Variants in WDPCP observed in about 807,000 individuals in gnomAD.
WDPCP encodes the protein WD repeat containing planar cell polarity effector, also known as WD repeat-containing and planar cell polarity effector protein fritz homolog.
Under a neutral mutation model 93.1 loss-of-function variants are expected in WDPCP, and 71 were observed. That is an observed-to-expected ratio of 0.76 (90% CI 0.63 to 0.93). The LOEUF (loss-of-function observed/expected upper bound fraction) is 0.93. WDPCP is among the 40% of genes least tolerant of loss of function. WDPCP has a pLI of 0.00. For missense variants in WDPCP, 844 were observed against 887.4 expected, an observed-to-expected ratio of 0.95 and a Z score of 0.62; for synonymous variants, 315 against 315.0, an observed-to-expected ratio of 1.00 and a Z score of 0.00.
At chr2:63,742,801 T>C (rs1669743581) in intron 2 of WDPCP, among the ~76,000 whole-genome samples, 1 of 150,908 alleles carries the variant, frequency 6.6e-6, no homozygotes, top group Admixed American at 6.6e-5. Context: ...CCAGGGAAAC[T>C]CTATACCCAG....
At chr2:63,610,756 T>C (rs1709605606) in intron 3 of WDPCP, among the ~76,000 whole-genome samples, 1 of 152,192 alleles carries the variant, frequency 6.6e-6, no homozygotes, top group South Asian at 2.1e-4. Flanking sequence ...AACACACTGT[T>C]CTGCACTCTG....
intron 13 of WDPCP, among the ~76,000 whole-genome samples, chr2:63,297,207 G>A (rs1684934937): frequency 6.6e-6 from 1 of 152,138 alleles, no homozygotes; most frequent in South Asian, 2.1e-4. Context: ...TAAAAAGCAT[G>A]TGGTTTATAT....
intron 2 of WDPCP, among the ~76,000 whole-genome samples, chr2:63,683,723 C>T (rs965718190): frequency 6.6e-6 from 1 of 152,078 alleles, no homozygotes; most frequent in African/African-American, 2.4e-5. Context: ...GTGGCATGCG[C>T]CTGTAGTCCC....
At chr2:63,836,875 A>T in the WDPCP span, among the ~76,000 whole-genome samples, 4 of 152,240 alleles carry the variant, frequency 2.6e-5, no homozygotes, top group Non-Finnish European at 4.4e-5. Flanking sequence ...GAACAAGATA[A>T]TGTATGTTTT....
chr2:63,331,703 A>G lies in WDPCP; in HGVS notation c.1749-18392T>C, dbSNP rs892411180. On this transcript the variant is annotated intron_variant, in intron 12 of 17. Transcript: ENST00000272321. ...GTCCACCCACCTTCAGGCTTTGAAA[A>G]ACAATTTATCCACCTTGTTTCTGTC... Among the ~76,000 whole-genome samples the G allele has an allele frequency of 5.9e-5, 9 of 152,154 alleles. No individual in the cohort carries two copies. In the East Asian group the frequency reaches 9.6e-4, roughly 16 times the overall value.
At chr2:63,406,501 C>T (rs1039054351) in intron 9 of WDPCP, among the ~76,000 whole-genome samples, 3 of 152,096 alleles carry the variant, frequency 2.0e-5, no homozygotes, top group African/African-American at 7.2e-5. Flanking sequence ...AATACATTTC[C>T]CTCCTATCAC....
At chr2:63,707,615 C>G (rs1342234439) in intron 2 of WDPCP, among the ~76,000 whole-genome samples, 1 of 152,226 alleles carries the variant, frequency 6.6e-6, no homozygotes, top group Non-Finnish European at 1.5e-5. Context: ...CTGAAGCCTT[C>G]TTCTCTCAAC....
chr2:63,256,897 C>G (rs1681198022), intron 14 of WDPCP, among the ~76,000 whole-genome samples: 1 of 152,132 alleles, frequency 6.6e-6, no homozygotes, highest in Non-Finnish European at 1.5e-5. Flanking sequence ...TGTTACAAAT[C>G]TGGACAGCTG....
At chr2:63,500,454 G>GGTGTGTGTGTGTGTGTGTGTGT (rs35916043) in intron 1 of WDPCP, among the ~76,000 whole-genome samples, 2 of 149,472 alleles carry the variant, frequency 1.3e-5, no homozygotes, top group East Asian at 2.0e-4. Context: ...ATGGTGTGGG[G>GGTGTGTGTGTGTGTGTGTGTGT]GTGTGTGTGT....
intron 8 of WDPCP, 128 bp downstream of exon 8, chr2:63,437,293 T>A: frequency 1.2e-6 from 1 of 802,462 alleles, no homozygotes. Flanking sequence ...TTAAGCTTAA[T>A]CCTGTAATAT....
At chr2:63,482,942 T>TTA (rs957748868) in intron 6 of WDPCP, among the ~76,000 whole-genome samples, 6 of 151,940 alleles carry the variant, frequency 3.9e-5, no homozygotes, top group African/African-American at 1.4e-4. Context: ...ACAAAAGTAA[T>TTA]TATATATATA....
At chr2:63,681,140 C>T (rs1210261451) in intron 2 of WDPCP, among the ~76,000 whole-genome samples, 2 of 152,210 alleles carry the variant, frequency 1.3e-5, no homozygotes, top group East Asian at 3.9e-4. Context: ...TGAGAGGCTC[C>T]TTCTGCTTGA....
chr2:63,622,687 T>G, intron 3 of WDPCP: 3 of 1,613,916 alleles, frequency 1.9e-6, no homozygotes, highest in Non-Finnish European at 2.5e-6. Flanking sequence ...GACAGCAGTT[T>G]CTGGTCAGGG....
At chr2:63,606,915 G>A (rs780927193) in intron 3 of WDPCP, 2 of 1,612,616 alleles carry the variant, frequency 1.2e-6, no homozygotes, top group East Asian at 2.2e-5. Flanking sequence ...TCTCACGTGA[G>A]AAGATGGATC....
intron 6 of WDPCP, among the ~76,000 whole-genome samples, chr2:63,471,448 G>A (rs1200897824): frequency 6.6e-6 from 1 of 152,186 alleles, no homozygotes; most frequent in African/African-American, 2.4e-5. Context: ...GAATAGGAAA[G>A]CCAAGAATTT....
intron 14 of WDPCP, among the ~76,000 whole-genome samples, chr2:63,213,183 C>A (rs1400989666): frequency 2.0e-5 from 3 of 152,170 alleles, no homozygotes; most frequent in African/African-American, 7.2e-5. Context: ...CTTCTCAGCA[C>A]CACATCGCAC....
intron 2 of WDPCP, among the ~76,000 whole-genome samples, chr2:63,733,045 T>C (rs1407160373): frequency 6.6e-6 from 1 of 152,048 alleles, no homozygotes; most frequent in Non-Finnish European, 1.5e-5. Flanking sequence ...TTATAAGAAA[T>C]AAAACTTTTC....
chr2:63,477,480 T>C (rs1452214902), intron 6 of WDPCP, among the ~76,000 whole-genome samples: 1 of 151,928 alleles, frequency 6.6e-6, no homozygotes, highest in Non-Finnish European at 1.5e-5. Flanking sequence ...TATAGGTAAG[T>C]CTTGATTTGA....
chr2:63,290,349 A>G (rs1333680660), intron 13 of WDPCP, among the ~76,000 whole-genome samples: 1 of 152,100 alleles, frequency 6.6e-6, no homozygotes, highest in Non-Finnish European at 1.5e-5. Flanking sequence ...TTACAATAAT[A>G]TAATTCCATT....
Sources: gnomAD v4.1 joint callset for allele counts (sites outside exome capture counted in the v4.1 genomes callset) on GRCh38, gnomAD v4.1.1 for gene constraint, MANE v1.5 for transcripts, NCBI Gene and HGNC (gene_info 2026-07-23, HGNC 2026-07-21) for gene names.